GLRB: variants seen among roughly 807,000 people sequenced by gnomAD.
The protein encoded by GLRB is glycine receptor beta, also known as glycine receptor subunit beta.
GLRB carries 33 observed loss-of-function variants against 54.2 expected under a neutral mutation model. The observed-to-expected ratio is 0.61, with a 90% CI of 0.46 to 0.81. The LOEUF (loss-of-function observed/expected upper bound fraction) is 0.81. GLRB is among the 40% of genes least tolerant of loss of function. The pLI is 0.00. For missense variants in GLRB, 572 were observed against 584.6 expected, an observed-to-expected ratio of 0.98 and a Z score of 0.22; for synonymous variants, 209 against 208.2, an observed-to-expected ratio of 1.00 and a Z score of -0.03.
intron 2 of GLRB, among the ~76,000 whole-genome samples, chr4:157,094,194 A>G (rs1734722821): frequency 6.6e-6 from 1 of 152,204 alleles, no homozygotes; most frequent in African/African-American, 2.4e-5. Flanking sequence ...ACATGTCCAA[A>G]ACATTAGACA....
chr4:157,157,066 C>T (rs1258775019), intron 9 of GLRB, among the ~76,000 whole-genome samples: 5 of 152,080 alleles, frequency 3.3e-5, no homozygotes, highest in Admixed American at 2.6e-4. Context: ...ACCAGTTCCC[C>T]ATGTTGTCTC....
intron 7 of GLRB, among the ~76,000 whole-genome samples, chr4:157,142,323 G>A (rs1452354499): frequency 6.6e-6 from 1 of 152,030 alleles, no homozygotes; most frequent in African/African-American, 2.4e-5. Flanking sequence ...AAATTCAACT[G>A]TAAAAAAGAA....
At chr4:157,105,807 A>G (rs1735202331) in intron 2 of GLRB, among the ~76,000 whole-genome samples, 1 of 152,142 alleles carries the variant, frequency 6.6e-6, no homozygotes, top group South Asian at 2.1e-4. Flanking sequence ...CTTAAAGTCT[A>G]TTTTATCTAG....
rs996054928 is a variant in GLRB, at chr4:157,078,240, C to A, written c.122+94C>A. 1.9e-6 allele frequency: 3 copies of A among 1,574,792 alleles called. No homozygotes were observed. The Admixed American group carries it at 5.2e-5, about 27-fold the overall frequency. ...TTTATGAAGACACACATCAACAAAA[C>A]TTTTCATATCGGAATGTATATCCAT... On this transcript the variant is annotated intron_variant, in intron 2 of 9. Coordinates refer to ENST00000264428, the MANE Select transcript of GLRB (RefSeq NM_000824.5).
At chr4:157,157,624 A>C (rs1737284782) in intron 9 of GLRB, among the ~76,000 whole-genome samples, 1 of 152,034 alleles carries the variant, frequency 6.6e-6, no homozygotes, top group Non-Finnish European at 1.5e-5. Context: ...GTTTGCTCAG[A>C]ATGATTGTTT....
chr4:157,160,636 G>T (rs1305479232), intron 9 of GLRB, among the ~76,000 whole-genome samples: 1 of 151,944 alleles, frequency 6.6e-6, no homozygotes, highest in African/African-American at 2.4e-5. Flanking sequence ...ATGTAGTTGA[G>T]CGGTTTTGAG....
At chr4:157,155,775 C>A (rs7657738) in intron 9 of GLRB, among the ~76,000 whole-genome samples, 6,912 of 152,150 alleles carry the variant, frequency 0.045, 240 homozygotes, top group African/African-American at 0.097. Flanking sequence ...GTGTGGATTT[C>A]TTTGAGTTGA....
chr4:157,096,637 G>A (rs1336410931), intron 2 of GLRB, among the ~76,000 whole-genome samples: 1 of 152,074 alleles, frequency 6.6e-6, no homozygotes, highest in Non-Finnish European at 1.5e-5. Flanking sequence ...AGCCTGAGTG[G>A]GATCTGTGCC....
intron 9 of GLRB, among the ~76,000 whole-genome samples, chr4:157,158,636 G>A (rs938419173): frequency 6.6e-6 from 1 of 152,074 alleles, no homozygotes; most frequent in Non-Finnish European, 1.5e-5. Flanking sequence ...AAGATCAGAT[G>A]GTTGTAGATG....
rs189078948 is a variant in GLRB, at chr4:157,088,126, A to C, written c.122+9980A>C. Among the ~76,000 whole-genome samples, 490 of 152,270 alleles carry C rather than the reference A, an allele frequency of 3.2e-3. 15 individuals are homozygous for C. Among genetic ancestry groups the C allele is most frequent in the Admixed American group, 0.03 (456 of 15,288 alleles). The stretch of plus-strand genomic sequence containing the variant: ...AATAAAATATGTTGGATACCTTGAA[A>C]CATCTGACATTTATTACTCTTCGTA... On this transcript the variant is annotated intron_variant, in intron 2 of 9. Transcript: ENST00000264428.
chr4:157,147,383 G>A (rs1414421082), intron 8 of GLRB, among the ~76,000 whole-genome samples: 3 of 152,134 alleles, frequency 2.0e-5, no homozygotes, highest in South Asian at 2.1e-4. Flanking sequence ...TAAAGGAGCT[G>A]GGGAGGTCAT....
rs1241265408 is a variant in GLRB, at chr4:157,110,335, CTT to C, written c.123-10218_123-10217del. Among the ~76,000 whole-genome samples the C allele has an allele frequency of 1.3e-4, 19 of 151,822 alleles. 1 individual carries two copies. The South Asian group carries it at 3.9e-3, about 32-fold the overall frequency. On this transcript the variant is annotated intron_variant, in intron 2 of 9. Transcript: ENST00000264428. ...GTCTTATAAGACCCTTTTCTTCACT[CTT>C]TTGTTTTTTCTTTTTTTGCTCTGAA...
intron 4 of GLRB, among the ~76,000 whole-genome samples, chr4:157,133,972 T>C (rs1736308781): frequency 6.6e-6 from 1 of 151,960 alleles, no homozygotes; most frequent in Non-Finnish European, 1.5e-5. Flanking sequence ...ATTTTGAAAA[T>C]AGGTAGAACA....
rs140984569 is a variant in GLRB at position 157,095,436 on chromosome 4, A to C, written c.122+17290A>C. 5.4e-4 allele frequency among the ~76,000 whole-genome samples: 83 copies of C among 152,326 alleles called. No individual in the cohort carries two copies. The East Asian group carries it at 0.015, about 28-fold the overall frequency. The stretch of plus-strand genomic sequence containing the variant: ...AAGTTTGAGGTATCCATTAGACATC[A>C]GGAGAAAATATCCAATAAGCTGTTG... On this transcript the variant is annotated intron_variant, in intron 2 of 9. Transcript: ENST00000264428.
chr4:157,101,821 G>A (rs1735039395), intron 2 of GLRB, among the ~76,000 whole-genome samples: 1 of 149,564 alleles, frequency 6.7e-6, no homozygotes, highest in Admixed American at 6.6e-5. Flanking sequence ...TTTGGTGGGG[G>A]GGAGGGTTTG....
chr4:157,126,769 T>C (rs1166981937), intron 4 of GLRB, among the ~76,000 whole-genome samples: 1 of 151,914 alleles, frequency 6.6e-6, no homozygotes, highest in Non-Finnish European at 1.5e-5. Context: ...AAATGTGACC[T>C]ATCGAACTTA....
chr4:157,092,160 C>T (rs918338582), intron 2 of GLRB, among the ~76,000 whole-genome samples: 7 of 152,210 alleles, frequency 4.6e-5, no homozygotes, highest in African/African-American at 1.7e-4. Context: ...AATGTGATTT[C>T]TTAGGGTAAT....
chr4:157,102,686 A>T (rs2126484943), intron 2 of GLRB, among the ~76,000 whole-genome samples: 1 of 152,276 alleles, frequency 6.6e-6, no homozygotes, highest in Admixed American at 6.5e-5. Context: ...TGATGGAGGG[A>T]AAATCGAGAC....
At chr4:157,111,674 G>T (rs942428675) in intron 2 of GLRB, among the ~76,000 whole-genome samples, 1 of 151,980 alleles carries the variant, frequency 6.6e-6, no homozygotes, top group African/African-American at 2.4e-5. Flanking sequence ...ATGTCCTTGA[G>T]GGGGAGTAAG....
Sources: allele counts gnomAD v4.1 joint callset (sites outside exome capture counted in the v4.1 genomes callset), GRCh38; gene constraint gnomAD v4.1.1; transcripts MANE v1.5; gene names NCBI Gene and HGNC (gene_info 2026-07-23, HGNC 2026-07-21).